AUTS2: variants seen among roughly 807,000 people sequenced by gnomAD.
AUTS2 encodes autism susceptibility gene 2 protein.
In AUTS2, 17 loss-of-function variants were observed where a neutral mutation model predicts 112.4. That is an observed-to-expected ratio of 0.15 (90% CI 0.10 to 0.23). AUTS2 has a LOEUF of 0.23. Ranked by LOEUF, AUTS2 falls within the 10% of genes least tolerant of loss-of-function variation. The probability of loss-of-function intolerance (pLI) is 1.00; values close to 1 mark genes in which losing one functional copy is unlikely to be tolerated. For missense variants in AUTS2, 1,510 were observed against 1,701.6 expected, an observed-to-expected ratio of 0.89 and a Z score of 1.98; for synonymous variants, 751 against 702.7, an observed-to-expected ratio of 1.07 and a Z score of -1.09.
At chr7:70,478,717 A>G (rs1362745021) in intron 5 of AUTS2, among the ~76,000 whole-genome samples, 1 of 149,028 alleles carries the variant, frequency 6.7e-6, no homozygotes, top group Non-Finnish European at 1.5e-5. Context: ...TTCACCCATT[A>G]TTCCCATTAC....
intron 1 of AUTS2, among the ~76,000 whole-genome samples, chr7:69,885,260 C>A (rs1794223721): frequency 6.6e-6 from 1 of 152,154 alleles, no homozygotes; most frequent in African/African-American, 2.4e-5. Flanking sequence ...ATATGGAATT[C>A]AGGGTCTAGA....
intron 4 of AUTS2, among the ~76,000 whole-genome samples, chr7:70,239,446 TG>T (rs1426765078): frequency 6.6e-6 from 1 of 152,094 alleles, no homozygotes; most frequent in African/African-American, 2.4e-5. Context: ...TTTTTTGTTT[TG>T]TTTTTGAGAC....
intron 1 of AUTS2, among the ~76,000 whole-genome samples, chr7:69,611,157 G>A (rs770086684): frequency 9.9e-5 from 15 of 152,148 alleles, no homozygotes; most frequent in Non-Finnish European, 1.9e-4. Flanking sequence ...TTATATGTCT[G>A]TTGAAAATAG....
chr7:69,905,314 C>T (rs1451188651), intron 2 of AUTS2, among the ~76,000 whole-genome samples: 1 of 152,094 alleles, frequency 6.6e-6, no homozygotes, highest in Non-Finnish European at 1.5e-5. Flanking sequence ...TATTAGGATT[C>T]TCTGGAGAGC....
chr7:70,459,357 G>A (rs10235543), intron 5 of AUTS2, among the ~76,000 whole-genome samples: 11,786 of 152,200 alleles, frequency 0.077, 582 homozygotes, highest in East Asian at 0.14. Flanking sequence ...GAAATGGAAG[G>A]TGTTTGGTTT....
intron 2 of AUTS2, among the ~76,000 whole-genome samples, chr7:70,052,552 G>C (rs939308262): frequency 6.6e-6 from 1 of 152,182 alleles, no homozygotes; most frequent in African/African-American, 2.4e-5. Flanking sequence ...GCAGGCAAAG[G>C]ATTTGTTTGC....
At chr7:70,430,354 G>A (rs192182169) in intron 4 of AUTS2, among the ~76,000 whole-genome samples, 10 of 152,296 alleles carry the variant, frequency 6.6e-5, no homozygotes, top group South Asian at 2.1e-4. Context: ...CATACCCAAC[G>A]GAAGCTTAAT....
rs186603721 is a variant in AUTS2, at chr7:70,399,528, T to A, written c.661-36224T>A. Among the ~76,000 whole-genome samples the A allele has an allele frequency of 1.4e-3, 216 of 152,310 alleles. 1 individual carries two copies. The highest frequency in any genetic ancestry group is 5.0e-3 in the African/African-American group (207 of 41,580). ...GGACACTTGTCAAGTTTTCAAGTCC[T>A]CTAGGTTTAAGATTTGTTTTGTTTT... On this transcript the variant is annotated intron_variant, in intron 4 of 18. Transcript: ENST00000342771.
intron 1 of AUTS2, among the ~76,000 whole-genome samples, chr7:69,607,693 C>G (rs1448651629): frequency 1.3e-5 from 2 of 152,176 alleles, no homozygotes; most frequent in Non-Finnish European, 2.9e-5. Flanking sequence ...CACTATACCT[C>G]ACGGTGCCAT....
At chr7:70,031,302 C>A (rs1038076426) in intron 2 of AUTS2, among the ~76,000 whole-genome samples, 4 of 152,168 alleles carry the variant, frequency 2.6e-5, no homozygotes, top group Admixed American at 2.0e-4. Flanking sequence ...CTCTAATAAT[C>A]TATGGATTTA....
At chr7:69,816,394 G>A (rs1055366027) in intron 1 of AUTS2, among the ~76,000 whole-genome samples, 3 of 152,136 alleles carry the variant, frequency 2.0e-5, no homozygotes, top group African/African-American at 7.2e-5. Context: ...TCAGATTTTT[G>A]TCTAGGACGG....
chr7:70,446,814 GC>G (rs1321888932), intron 5 of AUTS2, among the ~76,000 whole-genome samples: 3 of 152,184 alleles, frequency 2.0e-5, no homozygotes, highest in African/African-American at 7.2e-5. Context: ...GCGGGCAGTG[GC>G]CTAAGCAGGG....
intron 2 of AUTS2, among the ~76,000 whole-genome samples, chr7:70,072,186 T>C (rs1445579684): frequency 6.6e-6 from 1 of 152,216 alleles, no homozygotes; most frequent in Non-Finnish European, 1.5e-5. Context: ...CCCTCCGTGA[T>C]CCCTGCCAGC....
intron 1 of AUTS2, among the ~76,000 whole-genome samples, chr7:69,892,401 C>T (rs1010451624): frequency 4.6e-5 from 7 of 151,888 alleles, no homozygotes; most frequent in Non-Finnish European, 1.0e-4. Context: ...GCCTTGGCCT[C>T]CTAAAGTGCT....
At chr7:69,621,088 A>G (rs1200822594) in intron 1 of AUTS2, among the ~76,000 whole-genome samples, 1 of 152,144 alleles carries the variant, frequency 6.6e-6, no homozygotes, top group Admixed American at 6.5e-5. Context: ...AATAATGAGA[A>G]CAAGCATTTA....
At chr7:70,372,884 A>C (rs1455505949) in intron 4 of AUTS2, among the ~76,000 whole-genome samples, 1 of 151,934 alleles carries the variant, frequency 6.6e-6, no homozygotes, top group Admixed American at 6.6e-5. Context: ...AAAGAAGAGG[A>C]AGAAGTCATG....
At chr7:70,603,628 G>A (rs38307) in intron 5 of AUTS2, among the ~76,000 whole-genome samples, 79,593 of 151,996 alleles carry the variant, frequency 0.52, 21,508 homozygotes, top group Middle Eastern at 0.59. Context: ...ATCAACCTCA[G>A]ATAGTATCTT....
In AUTS2 at chr7:70,409,753, C is replaced by G. The variant is rs187201723; in HGVS notation, c.661-25999C>G. Reference sequence around the variant, plus strand: ...ACATTGTTATTTTTCACGTATTATGCTAATAAAAATAGTGACTGGTGTGAC... The same window carrying G: ...ACATTGTTATTTTTCACGTATTATGGTAATAAAAATAGTGACTGGTGTGAC... On this transcript the variant is annotated intron_variant, in intron 4 of 18. Transcript: ENST00000342771. Among the ~76,000 whole-genome samples the G allele has an allele frequency of 5.9e-5, 9 of 152,230 alleles. No homozygotes were observed. The East Asian group carries it at 1.7e-3, about 29-fold the overall frequency.
intron 1 of AUTS2, among the ~76,000 whole-genome samples, chr7:69,820,295 C>A (rs1790933511): frequency 6.6e-6 from 1 of 152,180 alleles, no homozygotes; most frequent in Non-Finnish European, 1.5e-5. Context: ...GTTCCAGACT[C>A]CAGAGATGCT....
Sources: allele counts gnomAD v4.1 joint callset (sites outside exome capture counted in the v4.1 genomes callset), GRCh38; gene constraint gnomAD v4.1.1; transcripts MANE v1.5; gene names NCBI Gene and HGNC (gene_info 2026-07-23, HGNC 2026-07-21).